ACSL1: variants seen among roughly 807,000 people sequenced by gnomAD.
The protein encoded by ACSL1 is acyl-CoA synthetase long chain family member 1, also known as long-chain-fatty-acid--CoA ligase 1.
Under a neutral mutation model 98.4 loss-of-function variants are expected in ACSL1, and 41 were observed. The observed-to-expected ratio is 0.42, with a 90% CI of 0.32 to 0.54. The LOEUF is 0.54. Among genes scored for constraint, ACSL1 ranks in the 20% least tolerant of loss-of-function variants. The pLI is 0.13. For synonymous variants in ACSL1, 316 were observed against 322.7 expected (o/e 0.98, Z 0.22); for missense variants, 734 against 883.1 (o/e 0.83, Z 2.14).
intron 1 of ACSL1, among the ~76,000 whole-genome samples, chr4:184,818,825 C>A (rs542645350): frequency 6.6e-6 from 1 of 152,254 alleles, no homozygotes; most frequent in Non-Finnish European, 1.5e-5. Flanking sequence ...CAGACACCAA[C>A]CAGCCAGAAA....
chr4:184,795,702 C>T (rs894473035), intron 2 of ACSL1, among the ~76,000 whole-genome samples: 2 of 152,172 alleles, frequency 1.3e-5, no homozygotes, highest in Non-Finnish European at 2.9e-5. Context: ...CACCTAAAAG[C>T]GTCCCTAAGT....
Position 184,773,920 on chromosome 4 carries a change from A to G in ACSL1, c.757-45T>C, listed in dbSNP as rs1561192266. 6.2e-7 allele frequency: 1 copy of G among 1,608,972 alleles called. No homozygotes were observed. Among genetic ancestry groups the G allele is most frequent in the Admixed American group, 1.7e-5 (1 of 59,850 alleles). ...AAGTCTTAAATGGAAACGTTTTCTA[A>G]CTGTAAAGGATAAGGTCACATCGAG... On this transcript the variant is annotated intron_variant, in intron 7 of 20. Transcript: ENST00000281455. This position sits in a 1 kb window ranked among gnomAD's most constrained non-coding sequence, Gnocchi z 4.3.
intron 4 of ACSL1, among the ~76,000 whole-genome samples, chr4:184,782,229 C>T (rs1047846558): frequency 2.7e-5 from 4 of 147,778 alleles, no homozygotes; most frequent in South Asian, 2.1e-4. Flanking sequence ...GAATAATACA[C>T]GCACATTTAT....
chr4:184,814,895 G>A (rs1772483272), intron 1 of ACSL1: 8 of 382,010 alleles, frequency 2.1e-5, no homozygotes, highest in South Asian at 1.5e-4. Flanking sequence ...TTTGAAAAAG[G>A]AGTCACACCA....
At chr4:184,765,126 T>A (rs765740036) in intron 14 of ACSL1, among the ~76,000 whole-genome samples, 1 of 152,180 alleles carries the variant, frequency 6.6e-6, no homozygotes, top group Non-Finnish European at 1.5e-5. Flanking sequence ...ACACCTTCTA[T>A]TTAACTTCCA....
At chr4:184,770,550 C>CGGTTGTGG (rs1427150917) in intron 10 of ACSL1, 74 bp from the exon 11 acceptor site, 1 of 275,308 alleles carries the variant, frequency 3.6e-6, no homozygotes, top group East Asian at 1.3e-4. Flanking sequence ...ACACCAGGGA[C>CGGTTGTGG]GGTTGTGGGG....
At chr4:184,761,442 G>C (rs1762839551) in intron 17 of ACSL1, among the ~76,000 whole-genome samples, 1 of 152,072 alleles carries the variant, frequency 6.6e-6, no homozygotes, top group Non-Finnish European at 1.5e-5. Flanking sequence ...GTAATTTTAG[G>C]GCTTGCAATC....
intron 1 of ACSL1, chr4:184,815,106 C>T (rs905964714): frequency 8.8e-6 from 4 of 456,058 alleles, no homozygotes; most frequent in African/African-American, 4.0e-5. Flanking sequence ...CAGGTAGGGC[C>T]CTGGTGCTCC....
intron 15 of ACSL1, among the ~76,000 whole-genome samples, chr4:184,763,865 T>A (rs1273012535): frequency 6.6e-6 from 1 of 152,216 alleles, no homozygotes; most frequent in Non-Finnish European, 1.5e-5. Flanking sequence ...GATATCACAT[T>A]AGATATCACA....
chr4:184,788,764 G>T, intron 2 of ACSL1, 33 bp from the exon 3 acceptor site: 1 of 1,557,316 alleles, frequency 6.4e-7, no homozygotes. Flanking sequence ...AGGTTAGAAG[G>T]CAGTGAAACA....
intron 1 of ACSL1, chr4:184,805,395 TCA>T (rs141992968): frequency 4.2e-3 from 2,851 of 672,294 alleles, no homozygotes; most frequent in Middle Eastern, 5.3e-3. Context: ...GTGTACTCAC[TCA>T]CACACACACA....
rs1283696500 is a variant in ACSL1 at position 184,816,696 on chromosome 4, T to C, written c.-33+9220A>G. Reference sequence around the variant, plus strand: ...GCTTCAGTAATGATCAACGTTTTGCTGTTTCATTATACCCACTTCTTAAAA... The same window carrying C: ...GCTTCAGTAATGATCAACGTTTTGCCGTTTCATTATACCCACTTCTTAAAA... On this transcript the variant is annotated intron_variant, in intron 1 of 20. Transcript: ENST00000281455. Among the ~76,000 whole-genome samples the C allele has an allele frequency of 2.0e-5, 3 of 152,168 alleles. 1 individual carries two copies. Among genetic ancestry groups the C allele is most frequent in the Non-Finnish European group, 4.4e-5 (3 of 68,028 alleles).
At chr4:184,791,662 G>A (rs1215590537) in intron 2 of ACSL1, among the ~76,000 whole-genome samples, 3 of 152,258 alleles carry the variant, frequency 2.0e-5, no homozygotes, top group Middle Eastern at 3.4e-3. Flanking sequence ...TACAAGAAGC[G>A]TAAGCAGTGT....
chr4:184,778,864 C>G (rs1765738425), intron 5 of ACSL1, among the ~76,000 whole-genome samples: 1 of 151,892 alleles, frequency 6.6e-6, no homozygotes, highest in Non-Finnish European at 1.5e-5. Flanking sequence ...TTCTACAAGC[C>G]CAGTCACAGT....
intron 1 of ACSL1, chr4:184,815,163 G>C (rs550360515): frequency 2.0e-4 from 90 of 454,350 alleles, no homozygotes; most frequent in African/African-American, 1.7e-3. Context: ...CCAGGCATCC[G>C]AGGGAGGGCT....
chr4:184,770,190 C>T, intron 11 of ACSL1: 1 of 1,372,602 alleles, frequency 7.3e-7, no homozygotes, highest in Non-Finnish European at 9.9e-7. Flanking sequence ...TAATCTGCAC[C>T]ATTTCTAAAA....
At chr4:184,818,874 C>A (rs1051915384) in intron 1 of ACSL1, among the ~76,000 whole-genome samples, 2 of 152,156 alleles carry the variant, frequency 1.3e-5, no homozygotes, top group African/African-American at 4.8e-5. Context: ...CTCCAAAGTT[C>A]CTCTACTGCC....
In ACSL1 at chr4:184,780,446, G is replaced by A. The variant is rs1161404247; in HGVS notation, c.376-13C>T. On this transcript the variant is annotated splice_polypyrimidine_tract_variant and intron_variant, in intron 4 of 20. Coordinates refer to ENST00000281455, the MANE Select transcript of ACSL1 (RefSeq NM_001995.5). ...ACAATTCTGCAACCTAAAATGGAGA[G>A]GAAAAAGTCAGAAGCAGCATTGGGC... The A allele has an allele frequency of 1.2e-6, 2 of 1,605,952 alleles. No homozygotes were observed. Among genetic ancestry groups the A allele is most frequent in the Admixed American group, 1.7e-5 (1 of 59,496 alleles).
Position 184,788,727 on chromosome 4 carries a change from C to G in ACSL1, c.200G>C (p.Ser67Thr). 6.2e-7 allele frequency: 1 copy of G among 1,614,010 alleles called. No homozygotes were observed. The highest frequency in any genetic ancestry group is 8.5e-7 in the Non-Finnish European group (1 of 1,179,900). ...LSMQSVEVAGSGGARRSALLD... is the reference protein window; with the variant it reads ...LSMQSVEVAGTGGARRSALLD... ...TAGTGCGGATCTTCGTGCACCACCACTACCCTATCAAAAAAGAAAGGGGGG... is the reference window on the plus strand; with the variant it reads ...TAGTGCGGATCTTCGTGCACCACCAGTACCCTATCAAAAAAGAAAGGGGGG... Residue 67 changes from serine to threonine, a missense_variant, in exon 3 of 21, where the codon AGT (serine) becomes ACT (threonine). Transcript: ENST00000281455.
Sources: allele counts gnomAD v4.1 joint callset (sites outside exome capture counted in the v4.1 genomes callset), GRCh38; gene constraint gnomAD v4.1.1; non-coding constraint Gnocchi (gnomAD v3.1); transcripts MANE v1.5; gene names NCBI Gene and HGNC (gene_info 2026-07-23, HGNC 2026-07-21).